Variants in ZNF273 observed in about 807,000 individuals in gnomAD.
ZNF273 encodes zinc finger protein 9.
ZNF273 carries 11 observed loss-of-function variants against 14.9 expected under a neutral mutation model. That is an observed-to-expected ratio of 0.74 (90% CI 0.46 to 1.22). ZNF273 has a LOEUF of 1.22. ZNF273 is among the 50% of genes most tolerant of loss of function. The pLI is 0.00. For synonymous variants in ZNF273, 199 were observed against 223.9 expected (o/e 0.89, Z 0.99); for missense variants, 577 against 660.6 (o/e 0.87, Z 1.39).
downstream of ZNF273, chr7:64,889,572 AGT>A: frequency 2.0e-6 from 2 of 985,752 alleles, no homozygotes; most frequent in Non-Finnish European, 2.4e-6. The surrounding 1 kb of genome is among the most constrained non-coding windows in gnomAD (Gnocchi z 4.2). Context: ...TGAGAGGGAC[AGT>A]GAGATGGGGC....
At chr7:64,924,345 C>G (rs1002812319) in intron 3 of ZNF273, 1 of 152,148 alleles carries the variant, frequency 6.6e-6, no homozygotes, top group East Asian at 1.9e-4. Context: ...TTGTTTTATA[C>G]TGCCTTCAGG....
chr7:64,887,910 C>T (rs902097819), intron 1 of ZNF273, among the ~76,000 whole-genome samples: 27 of 151,994 alleles, frequency 1.8e-4, no homozygotes, highest in African/African-American at 6.5e-4. Flanking sequence ...ACTGGTTCCT[C>T]ACCCTTGTGC....
exon 2 of ZNF273, chr7:64,888,810 G>A: frequency 1.0e-5 from 10 of 985,852 alleles, no homozygotes; most frequent in Non-Finnish European, 1.1e-5. Context: ...CACTGTGGAG[G>A]CCACTTTCTG....
At chr7:64,894,390 A>G (rs1792237818), downstream of ZNF273, among the ~76,000 whole-genome samples, 1 of 152,224 alleles carries the variant, frequency 6.6e-6, no homozygotes, top group Admixed American at 6.5e-5. Context: ...ATAACACTAA[A>G]AAACTTTATT....
At chr7:64,897,223 G>C (rs1243043897) in intron 3 of ZNF273, 1 of 152,226 alleles carries the variant, frequency 6.6e-6, no homozygotes, top group Non-Finnish European at 1.5e-5. Context: ...AAAACTTAAT[G>C]TTGGTAGAGC....
chr7:64,911,130 T>G (rs997695617), intron 1 of ZNF273, among the ~76,000 whole-genome samples: 4 of 152,130 alleles, frequency 2.6e-5, no homozygotes, highest in African/African-American at 4.8e-5. Context: ...ATGTTAAATT[T>G]TATCAAAAGC....
At position 64,917,708 on chromosome 7, in the gene ZNF273, G is replaced by T; in HGVS notation, c.229+1G>T. 6.3e-7 allele frequency: 1 copy of T among 1,584,062 alleles called. No individual in the cohort carries two copies. The highest frequency in any genetic ancestry group is 8.6e-7 in the Non-Finnish European group (1 of 1,164,170). ...AACTACAGAAACCTGGTCTTCCTGG[G>T]TGAGGATAATTTTAATACATAATTT... On this transcript the variant is annotated splice_donor_variant, in intron 2 of 3. Transcript: ENST00000476120. LOFTEE classifies it high-confidence loss of function.
At chr7:64,904,385 C>T (rs1445295867) in intron 1 of ZNF273, among the ~76,000 whole-genome samples, 5 of 152,168 alleles carry the variant, frequency 3.3e-5, no homozygotes, top group African/African-American at 1.2e-4. Context: ...CCACCGCGCC[C>T]GGCCAATTTG....
At chr7:64,921,637 T>TTTTTTTTTTTTTTTTTTTTTTG (rs750737426) in intron 3 of ZNF273, among the ~76,000 whole-genome samples, 2 of 29,578 alleles carry the variant, frequency 6.8e-5, no homozygotes, top group African/African-American at 3.1e-4. Flanking sequence ...TTTTTTTTTT[T>TTTTTTTTTTTTTTTTTTTTTTG]GTGTGTGAGA....
Position 64,918,242 on chromosome 7 carries a change from GA to G in ZNF273, c.279del (p.Glu94SerfsTer5). 1.3e-6 allele frequency: 2 copies of G among 1,571,556 alleles called. No homozygotes were observed. Among genetic ancestry groups the G allele is most frequent in the East Asian group, 2.4e-5 (1 of 41,952 alleles). On this transcript the variant is annotated frameshift_variant, in exon 3 of 4. Transcript: ENST00000476120. LOFTEE classifies it low-confidence loss of function (END_TRUNC). Reference sequence around the variant, plus strand: ...GACCTGATCACTTGTCTGGAGCAAGGAAAAGAGCCCTGCAATATGAAGAGAC... The same window carrying G: ...GACCTGATCACTTGTCTGGAGCAAGGAAAGAGCCCTGCAATATGAAGAGAC... ...KPDLITCLEQ[G>X]KEPCNMKRHA... is the part of the protein sequence containing the mutation.
chr7:64,920,590 A>G (rs1447911343), intron 3 of ZNF273, among the ~76,000 whole-genome samples: 1 of 152,188 alleles, frequency 6.6e-6, no homozygotes, highest in East Asian at 1.9e-4. Context: ...GAGTAAGTTC[A>G]GAATTCTCAG....
chr7:64,918,101 T>TG, intron 2 of ZNF273, 96 bp from the exon 3 acceptor site: 2 of 1,140,930 alleles, frequency 1.8e-6, no homozygotes, highest in Non-Finnish European at 2.4e-6. Context: ...ATTAATTTAC[T>TG]AGAATACTTA....
Position 64,912,830 on chromosome 7 carries a change from T to TTTGTTG in ZNF273, c.103-4749_103-4748insGTTGTT, listed in dbSNP as rs200954773. Among the ~76,000 whole-genome samples the TTTGTTG allele has an allele frequency of 3.2e-5, 3 of 94,274 alleles. 1 individual carries two copies. Among genetic ancestry groups the TTTGTTG allele is most frequent in the African/African-American group, 1.0e-4 (3 of 29,886 alleles). The allele number at this position is 94,274 out of a possible 152,430, so 61.8% of individuals were successfully genotyped here. A position where few individuals can be genotyped will look rare whatever the true frequency, so the allele number is the denominator to read the frequency against. Reference sequence around the variant, plus strand: ...TTTGACTCAGGATTCATTTTAGTTTTTTTTTTTTTTTTTTTTGAGATTGAG... The same window carrying TTTGTTG: ...TTTGACTCAGGATTCATTTTAGTTTTTTGTTGTTTTTTTTTTTTTTTTGAGATTGAG... On this transcript the variant is annotated intron_variant, in intron 1 of 3. Transcript: ENST00000476120.
intron 3 of ZNF273, among the ~76,000 whole-genome samples, chr7:64,896,107 A>C (rs1243842277): frequency 6.6e-6 from 1 of 152,018 alleles, no homozygotes; most frequent in Non-Finnish European, 1.5e-5. Flanking sequence ...ACAAAGTTGC[A>C]ATAAACTCTT....
rs189421510 is a variant in ZNF273 at position 64,918,618 on chromosome 7, G to A, written c.325+326G>A. On this transcript the variant is annotated intron_variant, in intron 3 of 3. Coordinates refer to ENST00000476120, the MANE Select transcript of ZNF273 (RefSeq NM_021148.3). The stretch of plus-strand genomic sequence containing the variant: ...GGAGGTTGCAGTGAGCCAAGATTGT[G>A]CCACTGCACTCCAGCCTGGAGACAG... 4.6e-3 allele frequency among the ~76,000 whole-genome samples: 552 copies of A among 120,756 alleles called. 11 individuals are homozygous for A. The highest frequency in any genetic ancestry group is 0.017 in the African/African-American group (534 of 31,822). The allele number at this position is 120,756 out of a possible 152,430, so 79.2% of individuals were successfully genotyped here.
In ZNF273 at chr7:64,929,233, T is replaced by C; in HGVS notation, c.*195T>C. 1 of 169,524 alleles carries C rather than the reference T, an allele frequency of 5.9e-6. No homozygotes were observed. The highest frequency in any genetic ancestry group is 1.1e-5 in the Non-Finnish European group (1 of 91,328). 10.5% of individuals were successfully genotyped at this position (169,524 alleles called of 1,614,324 possible). Reference sequence around the variant, plus strand: ...ATATCTTAACATCAGCGAGTTGGTATTTAATAAAAGCATTATCAATGAAAT... The same window carrying C: ...ATATCTTAACATCAGCGAGTTGGTACTTAATAAAAGCATTATCAATGAAAT... On this transcript the variant is annotated 3_prime_UTR_variant, in exon 4 of 4. Transcript: ENST00000476120.
Position 64,920,669 on chromosome 7 carries a change from G to A in ZNF273, c.325+2377G>A, listed in dbSNP as rs986145261. ...ACAGGGGTCCTGTAGTTTGCCTCCC[G>A]AATGAGGGCCTGCCTCCTGGAAAGA... On this transcript the variant is annotated intron_variant, in intron 3 of 3. Transcript: ENST00000476120. 1.9e-4 allele frequency among the ~76,000 whole-genome samples: 29 copies of A among 152,108 alleles called. 1 individual carries two copies. The highest frequency in any genetic ancestry group is 1.0e-3 in the Admixed American group (16 of 15,270).
At chr7:64,891,504 A>G (rs559291174), downstream of ZNF273, among the ~76,000 whole-genome samples, 84 of 152,192 alleles carry the variant, frequency 5.5e-4, no homozygotes, top group African/African-American at 1.9e-3. Context: ...CTCCTTCCCC[A>G]TCTTTTCCAA....
intron 1 of ZNF273, among the ~76,000 whole-genome samples, chr7:64,888,096 C>T (rs531448778): frequency 2.6e-4 from 39 of 152,278 alleles, no homozygotes; most frequent in Admixed American, 1.8e-3. Flanking sequence ...TCCTCACACA[C>T]CTCCCTGACA....
Sources: allele counts gnomAD v4.1 joint callset (sites outside exome capture counted in the v4.1 genomes callset), GRCh38; gene constraint gnomAD v4.1.1; non-coding constraint Gnocchi (gnomAD v3.1); transcripts MANE v1.5; gene names NCBI Gene and HGNC (gene_info 2026-07-23, HGNC 2026-07-21).